The following KMT5B variants were observed in gnomAD, a reference collection of about 807,000 sequenced individuals.
KMT5B encodes the protein lysine methyltransferase 5B.
A neutral mutation model predicts 83.2 loss-of-function variants in KMT5B; 10 were observed. The observed-to-expected ratio is 0.12, with a 90% CI of 0.07 to 0.20. The LOEUF is 0.20. Ranked by LOEUF, KMT5B falls within the 10% of genes least tolerant of loss-of-function variation. The probability of loss-of-function intolerance (pLI) is 1.00; values close to 1 mark genes in which losing one functional copy is unlikely to be tolerated. For missense variants in KMT5B, 753 were observed against 1,067.2 expected (o/e 0.71, Z 4.10); for synonymous variants, 349 against 388.8 (o/e 0.90, Z 1.20).
chr11:68,212,545 C>A (rs1045013944), intron 1 of KMT5B: 1 of 152,318 alleles, frequency 6.6e-6, no homozygotes, highest in African/African-American at 2.4e-5. Context: ...CCTTCCAAGG[C>A]GGAGGTGACA....
At chr11:68,188,086 G>A (rs1413329369) in intron 2 of KMT5B, among the ~76,000 whole-genome samples, 1 of 149,342 alleles carries the variant, frequency 6.7e-6, no homozygotes, top group Non-Finnish European at 1.5e-5. Context: ...GTGCAGTGAC[G>A]CAATCTCGGC....
intron 3 of KMT5B, among the ~76,000 whole-genome samples, chr11:68,182,776 G>A (rs1297453593): frequency 7.3e-6 from 1 of 136,410 alleles, no homozygotes; most frequent in Non-Finnish European, 1.6e-5. Flanking sequence ...CGCTCTTGTT[G>A]CCCAGGCTGG....
intron 1 of KMT5B, among the ~76,000 whole-genome samples, chr11:68,198,567 G>C (rs1859024794): frequency 6.6e-6 from 1 of 152,132 alleles, no homozygotes; most frequent in Non-Finnish European, 1.5e-5. Context: ...AACACACAAG[G>C]GTGCAGACTC....
intron 1 of KMT5B, among the ~76,000 whole-genome samples, chr11:68,210,443 G>C (rs1860755565): frequency 6.6e-6 from 1 of 152,176 alleles, no homozygotes; most frequent in African/African-American, 2.4e-5. Context: ...AAAAGATGAA[G>C]CATTAATACA....
intron 10 of KMT5B, chr11:68,165,963 A>G (rs1239979811): frequency 1.2e-6 from 2 of 1,612,764 alleles, no homozygotes; most frequent in African/African-American, 1.3e-5. Flanking sequence ...AGTGGAAGAG[A>G]GCACCCAGTG....
In KMT5B at chr11:68,157,704, A is replaced by G. The variant is rs1859400026; in HGVS notation, c.2642T>C (p.Leu881Ser). 1.9e-6 allele frequency: 3 copies of G among 1,584,260 alleles called. No individual in the cohort carries two copies. Among genetic ancestry groups the G allele is most frequent in the Non-Finnish European group, 2.6e-6 (3 of 1,165,588 alleles). ...ISSRRREDQSLRLNA is the reference protein window; with the variant it reads ...ISSRRREDQSSRLNA Reference sequence around the variant, plus strand: ...ACCAAGAGCTTAGGCATTAAGCCTTAAAGACTGATCTTCTCTTCTCCTTGA... The same window carrying G: ...ACCAAGAGCTTAGGCATTAAGCCTTGAAGACTGATCTTCTCTTCTCCTTGA... The change falls in exon 11 of 11, where the codon TTA becomes TCA. Residue 881 changes from leucine to serine, a missense_variant. Leu to Ser is a moderately radical substitution (Grantham distance 145, BLOSUM62 -2). Coordinates refer to ENST00000304363, the MANE Select transcript of KMT5B (RefSeq NM_017635.5).
intron 1 of KMT5B, among the ~76,000 whole-genome samples, chr11:68,194,849 T>A (rs1034616804): frequency 6.6e-6 from 1 of 152,142 alleles, no homozygotes; most frequent in Non-Finnish European, 1.5e-5. Flanking sequence ...TAGAATTAGG[T>A]TTTTTGTTGT....
Position 68,158,938 on chromosome 11 carries a change from G to A in KMT5B, c.1408C>T (p.Leu470Phe), listed in dbSNP as rs1451493475. ...TTCAGTACTAAGTTTCCCATTTCGA[G>A]TTTTCTTGAAGCATTCTTTTGCTCC... ...RLEQKNASRK[L>F]EMGNLVLKEP... Residue 470 changes from leucine to phenylalanine, a missense_variant, in exon 11 of 11, where the codon CTC becomes TTC. Physicochemically the swap from Leu to Phe is conservative, Grantham distance 22 (BLOSUM62 0). This residue lies in a region of KMT5B where 397 missense variants were observed against 395.9 expected (regional missense o/e 1.00). Coordinates refer to ENST00000304363, the MANE Select transcript of KMT5B (RefSeq NM_017635.5). The A allele has an allele frequency of 9.9e-6, 16 of 1,613,596 alleles. No individual in the cohort carries two copies. The highest frequency in any genetic ancestry group is 1.6e-4 in the Middle Eastern group (1 of 6,062).
intron 9 of KMT5B, 146 bp from the exon 10 acceptor site, chr11:68,167,324 A>C (rs541394052): frequency 1.1e-6 from 1 of 877,292 alleles, no homozygotes; most frequent in Non-Finnish European, 1.6e-6. Flanking sequence ...ACTAGAACTC[A>C]CAAAGGAAAT....
At chr11:68,212,923 G>A (rs1861125224) in intron 1 of KMT5B, among the ~76,000 whole-genome samples, 1 of 145,572 alleles carries the variant, frequency 6.9e-6, no homozygotes, top group African/African-American at 2.5e-5. Flanking sequence ...TTCCGGCCGC[G>A]GCCACCACTG....
rs118000282 is a variant in KMT5B at position 68,212,600 on chromosome 11, C to A, written c.-77+538G>T. On this transcript the variant is annotated intron_variant, in intron 1 of 10. Coordinates refer to ENST00000304363, the MANE Select transcript of KMT5B (RefSeq NM_017635.5). Reference sequence around the variant, plus strand: ...AATACGTGGAAGGACAGACACACACCAGGGGACGCAGGGAGAGCGGATAAA... The same window carrying A: ...AATACGTGGAAGGACAGACACACACAAGGGGACGCAGGGAGAGCGGATAAA... 1.9e-3 allele frequency: 295 copies of A among 153,058 alleles called. 11 individuals are homozygous for A. In the East Asian group the frequency reaches 0.051, roughly 27 times the overall value. 9.5% of individuals were successfully genotyped at this position (153,058 alleles called of 1,614,324 possible).
At chr11:68,184,587 C>G (rs906398062) in intron 3 of KMT5B, among the ~76,000 whole-genome samples, 113 of 152,276 alleles carry the variant, frequency 7.4e-4, no homozygotes, top group African/African-American at 2.6e-3. Context: ...TCAGTGACCA[C>G]CTACCTGGGT....
Position 68,174,950 on chromosome 11 carries a change from T to C in KMT5B, c.543+68A>G. The C allele has an allele frequency of 3.6e-6, 5 of 1,394,120 alleles. No homozygotes were observed. The South Asian group carries it at 3.9e-5, about 11-fold the overall frequency. The allele number at this position is 1,394,120 out of a possible 1,614,324, so 86.4% of individuals were successfully genotyped here. On this transcript the variant is annotated intron_variant, in intron 5 of 10. Transcript: ENST00000304363. ...TTAAAATTTCAGTATTAACTAACAT[T>C]TAGGGTTTTAATTTACTTCACTATT...
intron 1 of KMT5B, among the ~76,000 whole-genome samples, chr11:68,202,347 C>G (rs1302016903): frequency 6.6e-6 from 1 of 152,150 alleles, no homozygotes; most frequent in East Asian, 1.9e-4. Flanking sequence ...TTGGCAGCTT[C>G]CCACCACAGG....
intron 1 of KMT5B, among the ~76,000 whole-genome samples, chr11:68,193,785 T>C (rs969567496): frequency 2.6e-5 from 4 of 151,900 alleles, no homozygotes; most frequent in Admixed American, 1.3e-4. Context: ...AGGCATAGAA[T>C]TGAACAGCAG....
At chr11:68,168,850 C>T (rs1018890386) in intron 9 of KMT5B, among the ~76,000 whole-genome samples, 2 of 152,182 alleles carry the variant, frequency 1.3e-5, no homozygotes, top group African/African-American at 4.8e-5. Context: ...GTGTGTGTCC[C>T]CTTCACTGAA....
chr11:68,166,073 C>T (rs1272327435), intron 10 of KMT5B: 40 of 1,529,384 alleles, frequency 2.6e-5, no homozygotes, highest in Non-Finnish European at 3.3e-5. Flanking sequence ...ATTTAAGTGC[C>T]AACAAAGGCA....
At chr11:68,201,173 C>T (rs984369577) in intron 1 of KMT5B, among the ~76,000 whole-genome samples, 2 of 152,180 alleles carry the variant, frequency 1.3e-5, no homozygotes, top group Non-Finnish European at 2.9e-5. Flanking sequence ...GTGAGAAGCG[C>T]GACACCCACC....
At chr11:68,194,197 T>G (rs1363496559) in intron 1 of KMT5B, among the ~76,000 whole-genome samples, 3 of 150,704 alleles carry the variant, frequency 2.0e-5, no homozygotes, top group East Asian at 3.9e-4. Context: ...AAGTTTTTTT[T>G]TTTTTTTTTT....
Sources: allele counts gnomAD v4.1 joint callset (sites outside exome capture counted in the v4.1 genomes callset), GRCh38; gene constraint gnomAD v4.1.1; regional missense constraint gnomAD v4.1.1; transcripts MANE v1.5; gene names NCBI Gene and HGNC (gene_info 2026-07-23, HGNC 2026-07-21).